The following NMNAT2 variants were observed in gnomAD, a reference collection of about 807,000 sequenced individuals.
The protein encoded by NMNAT2 is nicotinamide nucleotide adenylyltransferase 2.
NMNAT2 carries 11 observed loss-of-function variants against 41.6 expected under a neutral mutation model. That is an observed-to-expected ratio of 0.26 (90% CI 0.17 to 0.44). NMNAT2 has a LOEUF of 0.44. Among genes scored for constraint, NMNAT2 ranks in the 20% least tolerant of loss-of-function variants. The pLI is 1.00. For synonymous variants in NMNAT2, 148 were observed against 151.2 expected, an observed-to-expected ratio of 0.98 and a Z score of 0.16; for missense variants, 288 against 407.7, an observed-to-expected ratio of 0.71 and a Z score of 2.53.
intron 1 of NMNAT2, among the ~76,000 whole-genome samples, chr1:183,345,347 A>G (rs1662904590): frequency 6.6e-6 from 1 of 152,194 alleles, no homozygotes; most frequent in South Asian, 2.1e-4. Context: ...TTATTACCCA[A>G]AAAAAGGAAA....
At chr1:183,359,712 C>A (rs1663266221) in intron 1 of NMNAT2, among the ~76,000 whole-genome samples, 1 of 152,168 alleles carries the variant, frequency 6.6e-6, no homozygotes, top group African/African-American at 2.4e-5. Context: ...ATGCCCAGAT[C>A]TGGCTCAGCA....
At chr1:183,369,690 C>T (rs966315837) in intron 1 of NMNAT2, among the ~76,000 whole-genome samples, 4 of 151,960 alleles carry the variant, frequency 2.6e-5, no homozygotes, top group African/African-American at 9.7e-5. Context: ...GAGCAGCCGT[C>T]GCTGTCATCC....
intron 1 of NMNAT2, among the ~76,000 whole-genome samples, chr1:183,343,474 AC>A (rs1662862367): frequency 6.6e-6 from 1 of 152,014 alleles, no homozygotes; most frequent in Non-Finnish European, 1.5e-5. Context: ...TTTTTCCACA[AC>A]TTTTAAGTTC....
At chr1:183,327,195 C>T (rs1557879241) in intron 1 of NMNAT2, among the ~76,000 whole-genome samples, 1 of 152,064 alleles carries the variant, frequency 6.6e-6, no homozygotes, top group Non-Finnish European at 1.5e-5. Context: ...GGATTACAGG[C>T]ATGTGCCACC....
At chr1:183,297,543 C>T (rs1044752022) in intron 1 of NMNAT2, among the ~76,000 whole-genome samples, 2 of 152,172 alleles carry the variant, frequency 1.3e-5, no homozygotes, top group South Asian at 4.2e-4. Context: ...CCACCATCCC[C>T]GGCTAATTTT....
chr1:183,361,321 CAA>C (rs1033704592), intron 1 of NMNAT2, among the ~76,000 whole-genome samples: 1 of 152,164 alleles, frequency 6.6e-6, no homozygotes, highest in African/African-American at 2.4e-5. Flanking sequence ...CTCTCCAGCC[CAA>C]ACCTCTCTGG....
At chr1:183,256,324 A>C in intron 10 of NMNAT2, among the ~76,000 whole-genome samples, 1 of 152,026 alleles carries the variant, frequency 6.6e-6, no homozygotes, top group Non-Finnish European at 1.5e-5. Context: ...CAGGAGAATC[A>C]CGTGAACCCA....
At chr1:183,260,913 A>G in intron 10 of NMNAT2, 89 bp downstream of exon 10, 1 of 1,002,160 alleles carries the variant, frequency 1.0e-6, no homozygotes, top group South Asian at 1.3e-5. Context: ...GTCTGCCTGA[A>G]TCTTAGGGTC....
chr1:183,368,020 A>G (rs1027450219), intron 1 of NMNAT2, among the ~76,000 whole-genome samples: 60 of 152,116 alleles, frequency 3.9e-4, no homozygotes, highest in Non-Finnish European at 1.3e-4. Context: ...TGGTAGGTCT[A>G]TGTATGTCTG....
chr1:183,290,553 G>A (rs948418296), intron 3 of NMNAT2: 2 of 218,682 alleles, frequency 9.1e-6, no homozygotes, highest in Middle Eastern at 1.6e-3. Flanking sequence ...CAATAGTAAC[G>A]AGCTTACAGT....
intron 1 of NMNAT2, among the ~76,000 whole-genome samples, chr1:183,365,624 G>A (rs573695076): frequency 6.6e-6 from 1 of 152,216 alleles, no homozygotes; most frequent in East Asian, 1.9e-4. Context: ...TAGGCATGGT[G>A]GCGTGCACCT....
chr1:183,290,945 C>G lies in NMNAT2; in HGVS notation c.243-739G>C, dbSNP rs140520516. Reference sequence around the variant, plus strand: ...TTAATGATTTTTTTTTAGACAGAGTCTTGGTCTGTCACCCAGGCTGGAGTG... The same window carrying G: ...TTAATGATTTTTTTTTAGACAGAGTGTTGGTCTGTCACCCAGGCTGGAGTG... On this transcript the variant is annotated intron_variant, in intron 3 of 10. Coordinates refer to ENST00000287713, the MANE Select transcript of NMNAT2 (RefSeq NM_015039.4). Among the ~76,000 whole-genome samples the G allele has an allele frequency of 3.3e-4, 51 of 152,298 alleles. 1 individual carries two copies. Among genetic ancestry groups the G allele is most frequent in the Non-Finnish European group, 6.3e-4 (43 of 68,020 alleles).
intron 10 of NMNAT2, among the ~76,000 whole-genome samples, chr1:183,253,962 C>T (rs186635124): frequency 7.0e-4 from 105 of 150,094 alleles, no homozygotes; most frequent in Non-Finnish European, 1.2e-3. Context: ...TGTGTAAGAA[C>T]ACATTTTCTT....
At chr1:183,387,530 T>G (rs938341487) in intron 1 of NMNAT2, among the ~76,000 whole-genome samples, 1 of 152,196 alleles carries the variant, frequency 6.6e-6, no homozygotes, top group African/African-American at 2.4e-5. Flanking sequence ...AATCTTAACA[T>G]TCACATGCCT....
At chr1:183,351,280 C>G (rs559445167) in intron 1 of NMNAT2, among the ~76,000 whole-genome samples, 1 of 152,178 alleles carries the variant, frequency 6.6e-6, no homozygotes, top group Non-Finnish European at 1.5e-5. Context: ...GCAGGCTGTT[C>G]CCTTGATGCT....
chr1:183,357,260 C>T (rs1467472821), intron 1 of NMNAT2, among the ~76,000 whole-genome samples: 7 of 126,854 alleles, frequency 5.5e-5, no homozygotes, highest in Admixed American at 3.8e-4. Context: ...GAGGAAGTCT[C>T]GCTCTATCGC....
chr1:183,248,675 C>T lies in NMNAT2; in HGVS notation c.*3966G>A, dbSNP rs1660289617. Reference sequence around the variant, plus strand: ...GATGAATTTGGCAGAGCATATTCATCACCATTACTACAATGCTATTCCTAA... The same window carrying T: ...GATGAATTTGGCAGAGCATATTCATTACCATTACTACAATGCTATTCCTAA... On this transcript the variant is annotated 3_prime_UTR_variant, in exon 11 of 11. Transcript: ENST00000287713. 6.6e-6 allele frequency: 1 copy of T among 152,200 alleles called. No homozygotes were observed. Among genetic ancestry groups the T allele is most frequent in the Non-Finnish European group, 1.5e-5 (1 of 68,054 alleles). 9.4% of individuals were successfully genotyped at this position (152,200 alleles called of 1,614,324 possible).
intron 1 of NMNAT2, among the ~76,000 whole-genome samples, chr1:183,309,523 T>G (rs563686981): frequency 3.3e-5 from 5 of 152,328 alleles, no homozygotes; most frequent in Non-Finnish European, 7.4e-5. Context: ...TTGATAACTA[T>G]GATATTAGTT....
chr1:183,273,400 A>G (rs565500910), intron 8 of NMNAT2, among the ~76,000 whole-genome samples: 4 of 152,390 alleles, frequency 2.6e-5, no homozygotes, highest in African/African-American at 9.6e-5. Context: ...GATAATAAAG[A>G]GAAATGTGCT....
Sources: gnomAD v4.1 joint callset for allele counts (sites outside exome capture counted in the v4.1 genomes callset) on GRCh38, gnomAD v4.1.1 for gene constraint, MANE v1.5 for transcripts, NCBI Gene and HGNC (gene_info 2026-07-23, HGNC 2026-07-21) for gene names.